ADGRB1: variants seen among roughly 807,000 people sequenced by gnomAD.
The protein encoded by ADGRB1 is brain-specific angiogenesis inhibitor 1.
ADGRB1 carries 36 observed loss-of-function variants against 175.7 expected under a neutral mutation model. That is an observed-to-expected ratio of 0.20 (90% CI 0.16 to 0.27). The LOEUF (loss-of-function observed/expected upper bound fraction) is 0.27. Among genes scored for constraint, ADGRB1 ranks in the 10% least tolerant of loss-of-function variants. ADGRB1 has a pLI of 1.00. For synonymous variants in ADGRB1, 1,054 were observed against 979.4 expected (o/e 1.08, Z -1.42); for missense variants, 1,731 against 2,255.3 (o/e 0.77, Z 4.71).
chr8:142,468,236 T>A (rs572165321), intron 2 of ADGRB1, among the ~76,000 whole-genome samples: 1 of 151,984 alleles, frequency 6.6e-6, no homozygotes, highest in East Asian at 1.9e-4. Flanking sequence ...GCGTGTGCAG[T>A]ACATTACTCA....
intron 1 of ADGRB1, among the ~76,000 whole-genome samples, chr8:142,450,499 G>T (rs942054801): frequency 6.6e-6 from 1 of 152,074 alleles, no homozygotes; most frequent in Non-Finnish European, 1.5e-5. Context: ...ACACACAGAC[G>T]CTGGCGGGGG....
At chr8:142,452,884 G>T (rs954059997) in intron 1 of ADGRB1, among the ~76,000 whole-genome samples, 1 of 149,524 alleles carries the variant, frequency 6.7e-6, no homozygotes, top group Non-Finnish European at 1.5e-5. Context: ...GGCGGAAGGC[G>T]GAGGGCCGGC....
At chr8:142,466,672 T>C (rs1458903675) in intron 2 of ADGRB1, among the ~76,000 whole-genome samples, 2 of 152,204 alleles carry the variant, frequency 1.3e-5, no homozygotes, top group Admixed American at 6.5e-5. Context: ...GAGGGCGGCT[T>C]CTGTGGTGTG....
intron 1 of ADGRB1, among the ~76,000 whole-genome samples, chr8:142,451,577 T>G (rs1013387039): frequency 6.6e-5 from 10 of 151,920 alleles, no homozygotes; most frequent in Non-Finnish European, 1.2e-4. Context: ...TCGTTTGTGT[T>G]GGGGAGGGAG....
In ADGRB1 at chr8:142,488,500, G is replaced by A. The variant is rs1354675917; in HGVS notation, c.2445G>A (p.Gly815=). ...VTVSKSVFST[G]LTEADEASVF... is the part of the protein sequence containing the mutation. ...TGTCCAAGAGTGTCTTCTCCACGGG[G>A]CTGACAGGTGAGGGGCCCAGGGAGT... The change falls in exon 14 of 31, where the codon GGG becomes GGA. Residue 815 remains glycine (G), a synonymous_variant. Transcript: ENST00000517894. 4 of 1,612,432 alleles carry A rather than the reference G, an allele frequency of 2.5e-6. No homozygotes were observed. Among genetic ancestry groups the A allele is most frequent in the Admixed American group, 3.3e-5 (2 of 59,982 alleles).
At chr8:142,457,936 G>A (rs1398157947) in intron 1 of ADGRB1, among the ~76,000 whole-genome samples, 1 of 152,220 alleles carries the variant, frequency 6.6e-6, no homozygotes, top group Non-Finnish European at 1.5e-5. Context: ...GGCACCCTGA[G>A]CGGGGAAGGC....
At chr8:142,490,936 C>T in intron 17 of ADGRB1, 121 bp downstream of exon 17, 2 of 1,278,638 alleles carry the variant, frequency 1.6e-6, no homozygotes, top group Non-Finnish European at 2.2e-6. Context: ...TGTCTGTGTA[C>T]CCGCATGGGC....
chr8:142,537,068 C>T lies in ADGRB1; in HGVS notation c.3652C>T (p.His1218Tyr). The T allele has an allele frequency of 1.9e-6, 3 of 1,561,318 alleles. No homozygotes were observed. Among genetic ancestry groups the T allele is most frequent in the Non-Finnish European group, 2.6e-6 (3 of 1,153,722 alleles). The change falls in exon 26 of 31, where the codon CAC becomes TAC. Residue 1218 changes from histidine (H) to tyrosine (Y), a missense_variant. By Grantham distance (83) the His-to-Tyr change is moderately conservative. Around this residue, in one of 8 missense-constraint regions of ADGRB1, gnomAD observed 301 missense variants for 488.4 expected, o/e 0.62. Coordinates refer to ENST00000517894, the MANE Select transcript of ADGRB1 (RefSeq NM_001702.3). This position sits in a 1 kb window ranked among gnomAD's most constrained non-coding sequence, Gnocchi z 4.6. ...GDSGGSFQNG[H>Y]AQLMTDFEKD... The stretch of plus-strand genomic sequence containing the variant: ...CTCAGGGGGCTCCTTCCAGAACGGC[C>T]ACGCCCAGCTCATGGTAGGACTCAG...
chr8:142,518,314 C>T (rs1459037527), intron 19 of ADGRB1, 73 bp downstream of exon 19: 6 of 1,504,646 alleles, frequency 4.0e-6, no homozygotes, highest in South Asian at 2.3e-5. Flanking sequence ...TTGAAGGTCA[C>T]GGGCGGGGTC....
intron 7 of ADGRB1, 76 bp downstream of exon 7, chr8:142,478,436 CG>C: frequency 7.0e-7 from 1 of 1,429,182 alleles, no homozygotes; most frequent in South Asian, 1.4e-5. Context: ...GGCCCCACAG[CG>C]GGTGGGGGTA....
chr8:142,520,790 G>A (rs1843793218), intron 19 of ADGRB1, 33 bp from the exon 20 acceptor site: 1 of 1,581,890 alleles, frequency 6.3e-7, no homozygotes, highest in Non-Finnish European at 8.7e-7. Context: ...GGTTCTGTTG[G>A]GTGCTGACCT....
intron 1 of ADGRB1, among the ~76,000 whole-genome samples, chr8:142,459,604 C>G (rs1323488043): frequency 6.6e-6 from 1 of 152,250 alleles, no homozygotes; most frequent in Non-Finnish European, 1.5e-5. Context: ...GGCTGTCCCA[C>G]AGCCACGTGG....
rs946863038 is a variant in ADGRB1, at chr8:142,504,419, G to C, written c.2676-6513G>C. 6.6e-6 allele frequency among the ~76,000 whole-genome samples: 1 copy of C among 152,144 alleles called. No individual in the cohort carries two copies. Among genetic ancestry groups the C allele is most frequent in the Non-Finnish European group, 1.5e-5 (1 of 67,990 alleles). On this transcript the variant is annotated intron_variant, in intron 17 of 30. Coordinates refer to ENST00000517894, the MANE Select transcript of ADGRB1 (RefSeq NM_001702.3). This position sits in a 1 kb window ranked among gnomAD's most constrained non-coding sequence, Gnocchi z 5.6. The stretch of plus-strand genomic sequence containing the variant: ...TGGCCTGTGCAGGCAGGGCCACCAG[G>C]GGCAGGCCCACCAGAGGCAGGGCCA...
At chr8:142,534,662 A>C (rs1050345808) in intron 25 of ADGRB1, among the ~76,000 whole-genome samples, 1 of 152,226 alleles carries the variant, frequency 6.6e-6, no homozygotes, top group Admixed American at 6.5e-5. Flanking sequence ...CTTACATCCC[A>C]GCAGCTCCTG....
intron 15 of ADGRB1, 92 bp from the exon 16 acceptor site, chr8:142,489,244 G>A: frequency 1.3e-6 from 2 of 1,557,768 alleles, no homozygotes; most frequent in South Asian, 1.1e-5. Context: ...GGTGGCGGCG[G>A]GTACAGGGGC....
chr8:142,499,062 C>T (rs537548553), intron 17 of ADGRB1, among the ~76,000 whole-genome samples: 55 of 152,238 alleles, frequency 3.6e-4, no homozygotes, highest in Non-Finnish European at 6.6e-4. Context: ...ATCCATCCCC[C>T]ACCAACCCCA....
At chr8:142,460,312 G>A (rs1051151986) in intron 1 of ADGRB1, among the ~76,000 whole-genome samples, 2 of 152,232 alleles carry the variant, frequency 1.3e-5, no homozygotes, top group African/African-American at 2.4e-5. Flanking sequence ...AGGCTCAGGG[G>A]CCATCAGCCA....
At position 142,541,981 on chromosome 8, in the gene ADGRB1, C is replaced by A. The variant is rs1289873171; in HGVS notation, c.3747C>A (p.Ile1249=). 1.9e-6 allele frequency: 3 copies of A among 1,579,960 alleles called. No individual in the cohort carries two copies. In the South Asian group the frequency reaches 3.4e-5, roughly 18 times the overall value. The part of the protein sequence containing the change: ...KDIAACRTAT[I]TGTLKRPSLP... ...TCGCGGCCTGCCGCACTGCCACCAT[C>A]ACGGGCACACTGAAGCGGCCGTCTC... The change falls in exon 28 of 31, where the codon ATC becomes ATA. Residue 1249 remains isoleucine, a synonymous_variant. Coordinates refer to ENST00000517894, the MANE Select transcript of ADGRB1 (RefSeq NM_001702.3).
Position 142,543,306 on chromosome 8 carries a change from G to T in ADGRB1, c.4414-97G>T. 6.6e-7 allele frequency: 1 copy of T among 1,513,332 alleles called. No homozygotes were observed. The highest frequency in any genetic ancestry group is 2.4e-5 in the East Asian group (1 of 42,242). The allele number at this position is 1,513,332 out of a possible 1,614,324, so 93.7% of individuals were successfully genotyped here. The stretch of plus-strand genomic sequence containing the variant: ...GCCTGGTCCCTGAAGGCAGGCATGG[G>T]GCGAGTGAGTCCCTGATGCCCTCAG... On this transcript the variant is annotated intron_variant, in intron 28 of 30. Transcript: ENST00000517894. The surrounding 1 kb of genome is among the most constrained non-coding windows in gnomAD (Gnocchi z 4.4).
Sources: gnomAD v4.1 joint callset for allele counts (sites outside exome capture counted in the v4.1 genomes callset) on GRCh38, gnomAD v4.1.1 for gene constraint, gnomAD v4.1.1 regional missense constraint, Gnocchi (gnomAD v3.1) non-coding constraint, MANE v1.5 for transcripts, NCBI Gene and HGNC (gene_info 2026-07-23, HGNC 2026-07-21) for gene names.